The following ESR1 variants were observed in gnomAD, a reference collection of about 807,000 sequenced individuals.
The protein encoded by ESR1 is estrogen receptor.
A neutral mutation model predicts 52.7 loss-of-function variants in ESR1; 12 were observed. The ratio of observed to expected loss-of-function variants is 0.23; its 90% confidence interval spans 0.15 to 0.37. ESR1 has a LOEUF of 0.37. ESR1 is among the 10% of genes least tolerant of loss of function. The pLI, the probability that ESR1 is intolerant of heterozygous loss-of-function variation, is 1.00. For synonymous variants in ESR1, 305 were observed against 316.8 expected, an observed-to-expected ratio of 0.96 and a Z score of 0.39; for missense variants, 584 against 779.7, an observed-to-expected ratio of 0.75 and a Z score of 2.99.
intron 5 of ESR1, among the ~76,000 whole-genome samples, chr6:152,034,171 G>A (rs894956028): frequency 8.6e-5 from 13 of 151,568 alleles, no homozygotes; most frequent in Non-Finnish European, 1.3e-4. Context: ...GGATGCATTA[G>A]GAGATACACC....
At chr6:151,782,203 G>C (rs1308135940) in intron 2 of ESR1, among the ~76,000 whole-genome samples, 2 of 151,666 alleles carry the variant, frequency 1.3e-5, no homozygotes, top group Non-Finnish European at 2.9e-5. Context: ...TCCTTGTTTG[G>C]GATATGAAAA....
chr6:151,786,800 C>T (rs1025519438), intron 2 of ESR1, among the ~76,000 whole-genome samples: 3 of 151,604 alleles, frequency 2.0e-5, no homozygotes, highest in African/African-American at 7.3e-5. Context: ...GGAGTCTTTT[C>T]ACCATTGCTT....
chr6:151,844,264 C>T (rs1052303437), intron 2 of ESR1, among the ~76,000 whole-genome samples: 21 of 151,754 alleles, frequency 1.4e-4, no homozygotes, highest in Admixed American at 1.1e-3. Flanking sequence ...TTAGTATAAG[C>T]CCTTAGAGGT....
intron 5 of ESR1, among the ~76,000 whole-genome samples, chr6:152,020,649 C>A (rs571105204): frequency 9.9e-5 from 15 of 152,102 alleles, no homozygotes; most frequent in Non-Finnish European, 1.8e-4. Flanking sequence ...TGGGGTTTTG[C>A]CACGTTGGCC....
chr6:152,081,572 A>G (rs2129009605), intron 6 of ESR1, among the ~76,000 whole-genome samples: 1 of 151,692 alleles, frequency 6.6e-6, no homozygotes, highest in African/African-American at 2.4e-5. Context: ...AGAACTAGAG[A>G]AGCAAGAGCA....
At position 152,031,518 on chromosome 6, in the gene ESR1, C is replaced by T. The variant is rs140145236; in HGVS notation, c.1235+19724C>T. 2.6e-3 allele frequency among the ~76,000 whole-genome samples: 398 copies of T among 152,298 alleles called. 8 individuals are homozygous for T. The East Asian group carries it at 0.048, about 18-fold the overall frequency. On this transcript the variant is annotated intron_variant, in intron 5 of 7. Transcript: ENST00000206249. ...AGAGAATACTATAAACACCTCTACA[C>T]AAATAAACTAGAACATCTAGAAGAA...
At chr6:151,796,753 A>T (rs949017644) in intron 2 of ESR1, among the ~76,000 whole-genome samples, 1 of 152,208 alleles carries the variant, frequency 6.6e-6, no homozygotes, top group Non-Finnish European at 1.5e-5. Context: ...AACACTAGAA[A>T]GGATGTTTAA....
chr6:151,756,493 G>A (rs1026538135), intron 2 of ESR1, among the ~76,000 whole-genome samples: 8 of 152,256 alleles, frequency 5.3e-5, no homozygotes, highest in Admixed American at 5.2e-4. Context: ...GCTTCCCAAA[G>A]TGCTGGTATT....
intron 2 of ESR1, among the ~76,000 whole-genome samples, chr6:151,770,532 T>C (rs1426044340): frequency 6.6e-6 from 1 of 152,106 alleles, no homozygotes; most frequent in African/African-American, 2.4e-5. Context: ...ATAACCCTAA[T>C]TCAATGTTTA....
chr6:151,992,727 A>G (rs1236996472), intron 4 of ESR1, among the ~76,000 whole-genome samples: 1 of 152,132 alleles, frequency 6.6e-6, no homozygotes, highest in Non-Finnish European at 1.5e-5. Context: ...GTGGTGGACC[A>G]GTGGGCACCC....
intron 1 of ESR1, among the ~76,000 whole-genome samples, chr6:151,816,500 A>G (rs982954664): frequency 6.6e-6 from 1 of 152,134 alleles, no homozygotes; most frequent in South Asian, 2.1e-4. Context: ...ACAAGTCATT[A>G]TTTTTTATTA....
chr6:151,897,480 G>A (rs1022335101), intron 3 of ESR1, among the ~76,000 whole-genome samples: 1 of 151,912 alleles, frequency 6.6e-6, no homozygotes, highest in Non-Finnish European at 1.5e-5. Context: ...AGTTTGTTTT[G>A]TCTGATATAA....
chr6:151,814,807 G>A (rs890463453), intron 1 of ESR1, among the ~76,000 whole-genome samples: 32 of 152,218 alleles, frequency 2.1e-4, no homozygotes, highest in African/African-American at 6.5e-4. Flanking sequence ...TCATGCAACA[G>A]CATTGCACCT....
At chr6:151,910,049 A>G (rs1238609247) in intron 3 of ESR1, among the ~76,000 whole-genome samples, 1 of 151,792 alleles carries the variant, frequency 6.6e-6, no homozygotes, top group Non-Finnish European at 1.5e-5. Context: ...TTCAATTGGC[A>G]GTACCACCCT....
At chr6:151,756,883 G>C (rs536918608) in intron 2 of ESR1, among the ~76,000 whole-genome samples, 2 of 152,108 alleles carry the variant, frequency 1.3e-5, no homozygotes, top group Non-Finnish European at 2.9e-5. Context: ...CCAGCTACTC[G>C]GGAGGCTGAG....
chr6:151,752,512 C>T (rs575414537), intron 2 of ESR1, among the ~76,000 whole-genome samples: 140 of 148,060 alleles, frequency 9.5e-4, no homozygotes, highest in Non-Finnish European at 6.8e-4. Flanking sequence ...GCTGCAGGCT[C>T]CCTATGTATG....
At chr6:151,723,273 A>G (rs532977547) in intron 2 of ESR1, among the ~76,000 whole-genome samples, 1 of 151,122 alleles carries the variant, frequency 6.6e-6, no homozygotes, top group East Asian at 2.0e-4. Flanking sequence ...CTTGATGGGT[A>G]CAATCTACAC....
chr6:151,673,785 G>A (rs1051797597), intron 1 of ESR1, among the ~76,000 whole-genome samples: 29 of 152,082 alleles, frequency 1.9e-4, no homozygotes, highest in Admixed American at 1.8e-3. Context: ...AGGAGGATGA[G>A]GTGGGAGGAT....
intron 2 of ESR1, among the ~76,000 whole-genome samples, chr6:151,717,064 C>T (rs1251141721): frequency 2.6e-5 from 4 of 152,118 alleles, no homozygotes; most frequent in South Asian, 2.1e-4. Context: ...AGGAGTGCAC[C>T]GTTCCTTAGG....
Sources: gnomAD v4.1 joint callset for allele counts (sites outside exome capture counted in the v4.1 genomes callset) on GRCh38, gnomAD v4.1.1 for gene constraint, MANE v1.5 for transcripts, NCBI Gene and HGNC (gene_info 2026-07-23, HGNC 2026-07-21) for gene names.